NDC1: variants seen among roughly 807,000 people sequenced by gnomAD.
The protein encoded by NDC1 is nucleoporin NDC1.
NDC1 carries 24 observed loss-of-function variants against 89.8 expected under a neutral mutation model. The observed-to-expected ratio is 0.27, with a 90% CI of 0.19 to 0.38. The LOEUF (loss-of-function observed/expected upper bound fraction) is 0.38. Ranked by LOEUF, NDC1 falls within the 10% of genes least tolerant of loss-of-function variation. The probability of loss-of-function intolerance (pLI) is 1.00; values close to 1 mark genes in which losing one functional copy is unlikely to be tolerated. For missense variants in NDC1, 728 were observed against 797.6 expected, an observed-to-expected ratio of 0.91 and a Z score of 1.05; for synonymous variants, 296 against 284.8, an observed-to-expected ratio of 1.04 and a Z score of -0.39.
chr1:53,807,555 C>T (rs945746743), intron 8 of NDC1, 101 bp downstream of exon 8: 55 of 933,912 alleles, frequency 5.9e-5, no homozygotes, highest in East Asian at 2.0e-4. Context: ...AACCAGCTTA[C>T]GGAAATGGTT....
At position 53,793,240 on chromosome 1, in the gene NDC1, A is replaced by G. The variant is rs149157348; in HGVS notation, c.1624T>C (p.Phe542Leu). 845 of 1,611,500 alleles carry G rather than the reference A, an allele frequency of 5.2e-4. 6 individuals are homozygous for G. In the African/African-American group the frequency reaches 8.5e-3, roughly 16 times the overall value. Residue 542 changes from phenylalanine (F) to leucine (L), a missense_variant, in exon 14 of 18, where the codon TTT (phenylalanine) becomes CTT (leucine). Transcript: ENST00000371429. ...CCACATATTCTTACCTTACTGAAAA[A>G]ATACATTATCAGCACCCGTTTTGAC... ...FLSKRVLIMY[F>L]FSKHPEASIQ...
rs534561077 is a variant in NDC1 at position 53,803,761 on chromosome 1, C to T, written c.1066+167G>A. 4.7e-4 allele frequency among the ~76,000 whole-genome samples: 72 copies of T among 152,236 alleles called. No homozygotes were observed. The East Asian group carries it at 0.012, about 25-fold the overall frequency. ...TAATTTTTTGTATCTTTAGTAGAGA[C>T]AGGGTTTCACCGTGTTAGCCAGGAT... is the stretch of plus-strand genomic sequence containing the variant. On this transcript the variant is annotated intron_variant, in intron 10 of 17. Transcript: ENST00000371429.
At chr1:53,815,080 G>A (rs1411652478) in intron 6 of NDC1, among the ~76,000 whole-genome samples, 1 of 152,070 alleles carries the variant, frequency 6.6e-6, no homozygotes, top group Non-Finnish European at 1.5e-5. Flanking sequence ...GATAAAGAAG[G>A]AACCCTCCCT....
chr1:53,837,162 G>A (rs1649261510), intron 1 of NDC1, among the ~76,000 whole-genome samples: 1 of 152,186 alleles, frequency 6.6e-6, no homozygotes, highest in Non-Finnish European at 1.5e-5. Context: ...AGGCACGATG[G>A]CATGCACCTG....
chr1:53,786,739 C>G (rs530627688), intron 16 of NDC1, among the ~76,000 whole-genome samples: 18 of 152,226 alleles, frequency 1.2e-4, no homozygotes, highest in East Asian at 5.8e-4. Context: ...GCTCTGTTAC[C>G]CAGGCTGCAG....
chr1:53,837,478 C>T (rs940235029), intron 1 of NDC1, among the ~76,000 whole-genome samples: 2 of 151,954 alleles, frequency 1.3e-5, no homozygotes, highest in Non-Finnish European at 2.9e-5. Flanking sequence ...GAAGCTGAGG[C>T]AGAACTCCTT....
intron 8 of NDC1, among the ~76,000 whole-genome samples, 161 bp downstream of exon 8, chr1:53,807,495 A>G (rs550156154): frequency 1.0e-3 from 157 of 152,224 alleles, no homozygotes; most frequent in African/African-American, 3.7e-3. Flanking sequence ...TACCACATAA[A>G]TGGTGGTTAC....
At chr1:53,782,235 T>C (rs1192535690) in intron 16 of NDC1, among the ~76,000 whole-genome samples, 3 of 152,072 alleles carry the variant, frequency 2.0e-5, no homozygotes, top group South Asian at 2.1e-4. Context: ...AGAGGACTCA[T>C]GGGAATAGCA....
chr1:53,825,096 G>T (rs556921666), intron 5 of NDC1, among the ~76,000 whole-genome samples: 1 of 152,204 alleles, frequency 6.6e-6, no homozygotes, highest in South Asian at 2.1e-4. Flanking sequence ...GATGGCTTGA[G>T]CCAGCAGGTG....
intron 3 of NDC1, among the ~76,000 whole-genome samples, chr1:53,830,327 G>A (rs757634716): frequency 5.3e-5 from 8 of 151,074 alleles, no homozygotes; most frequent in African/African-American, 9.8e-5. Context: ...GGTGGCATAC[G>A]CCTGTAATCC....
intron 6 of NDC1, among the ~76,000 whole-genome samples, chr1:53,814,278 C>T (rs1365677031): frequency 6.6e-6 from 1 of 152,080 alleles, no homozygotes; most frequent in Admixed American, 6.6e-5. Context: ...TGGCGTGAAC[C>T]CGGGAGGTGG....
intron 9 of NDC1, among the ~76,000 whole-genome samples, chr1:53,804,706 A>T (rs1648044627): frequency 6.6e-6 from 1 of 152,002 alleles, no homozygotes; most frequent in Non-Finnish European, 1.5e-5. Flanking sequence ...CAAACTCCTG[A>T]CCTCAAGTGA....
rs555344496 is a variant in NDC1 at position 53,802,909 on chromosome 1, A to G, written c.1066+1019T>C. 6.6e-5 allele frequency among the ~76,000 whole-genome samples: 10 copies of G among 152,266 alleles called. No individual in the cohort carries two copies. In the South Asian group the frequency reaches 2.1e-3, roughly 32 times the overall value. ...AAAAGGAGGCAGAGTAGCATAGCAG[A>G]AGGAGGAGTCCTGTACATGGAGCCA... On this transcript the variant is annotated intron_variant, in intron 10 of 17. Coordinates refer to ENST00000371429, the MANE Select transcript of NDC1 (RefSeq NM_018087.5).
chr1:53,815,972 C>CAA (rs1248876332), intron 6 of NDC1, among the ~76,000 whole-genome samples: 1 of 152,184 alleles, frequency 6.6e-6, no homozygotes, highest in Non-Finnish European at 1.5e-5. Flanking sequence ...AATGGAAACA[C>CAA]ATCCCATGCT....
intron 16 of NDC1, among the ~76,000 whole-genome samples, chr1:53,779,806 A>T (rs1647189590): frequency 6.6e-6 from 1 of 152,212 alleles, no homozygotes; most frequent in East Asian, 1.9e-4. Context: ...TTGGAATACT[A>T]TGCAAATGTT....
At position 53,786,038 on chromosome 1, in the gene NDC1, C is replaced by T. The variant is rs531007030; in HGVS notation, c.1800+1120G>A. On this transcript the variant is annotated intron_variant, in intron 16 of 17. Coordinates refer to ENST00000371429, the MANE Select transcript of NDC1 (RefSeq NM_018087.5). ...CTCCTGGGTTCAAGCGATTCTCCTG[C>T]CTCAGCGTCCCGAGTAGGTGGGACT... Among the ~76,000 whole-genome samples the T allele has an allele frequency of 3.3e-5, 5 of 152,274 alleles. No individual in the cohort carries two copies. In the East Asian group the frequency reaches 9.6e-4, roughly 29 times the overall value.
At chr1:53,773,845 C>T (rs747690854) in intron 16 of NDC1, among the ~76,000 whole-genome samples, 5 of 152,182 alleles carry the variant, frequency 3.3e-5, no homozygotes, top group Non-Finnish European at 7.3e-5. Flanking sequence ...GTTCTACTCT[C>T]TCTTAAAGGA....
At position 53,767,243 on chromosome 1, in the gene NDC1, C is replaced by A. The variant is rs796707811; in HGVS notation, c.*727G>T. ...GGAAAATACCCATACATTAATACTT[C>A]GTGTTTACTAGCATGATACAAAATA... is the stretch of plus-strand genomic sequence containing the variant. On this transcript the variant is annotated 3_prime_UTR_variant, in exon 18 of 18. Transcript: ENST00000371429. 6.6e-6 allele frequency: 1 copy of A among 152,144 alleles called. No homozygotes were observed. The highest frequency in any genetic ancestry group is 2.4e-5 in the African/African-American group (1 of 41,426). The allele number at this position is 152,144 out of a possible 1,614,324, so 9.4% of individuals were successfully genotyped here.
chr1:53,803,564 A>C (rs534628224), intron 10 of NDC1, among the ~76,000 whole-genome samples: 1 of 150,120 alleles, frequency 6.7e-6, no homozygotes, highest in African/African-American at 2.5e-5. Context: ...AAAAACTTTA[A>C]GTTAATTAAT....
Sources: allele counts gnomAD v4.1 joint callset (sites outside exome capture counted in the v4.1 genomes callset), GRCh38; gene constraint gnomAD v4.1.1; transcripts MANE v1.5; gene names NCBI Gene and HGNC (gene_info 2026-07-23, HGNC 2026-07-21).